NMNAT2: variants seen among roughly 807,000 people sequenced by gnomAD.
NMNAT2 encodes nicotinamide/nicotinic acid mononucleotide adenylyltransferase 2.
In NMNAT2, 11 loss-of-function variants were observed where a neutral mutation model predicts 41.6. The ratio of observed to expected loss-of-function variants is 0.26; its 90% CI spans 0.17 to 0.44. The LOEUF (loss-of-function observed/expected upper bound fraction) is 0.44, where lower values mean the gene tolerates loss of function less well. NMNAT2 is among the 20% of genes least tolerant of loss of function. The pLI is 1.00. For missense variants in NMNAT2, 288 were observed against 407.7 expected (o/e 0.71, Z 2.53); for synonymous variants, 148 against 151.2 (o/e 0.98, Z 0.16).
intron 1 of NMNAT2, among the ~76,000 whole-genome samples, chr1:183,317,280 T>G (rs1662274158): frequency 6.6e-6 from 1 of 152,152 alleles, no homozygotes; most frequent in South Asian, 2.1e-4. Context: ...GACTGATGGA[T>G]TTTTTCTTTT....
At chr1:183,292,742 C>G (rs756294495) in intron 3 of NMNAT2, 48 bp downstream of exon 3, 9 of 1,551,516 alleles carry the variant, frequency 5.8e-6, no homozygotes, top group Non-Finnish European at 8.0e-6. Context: ...ACCCCACTCC[C>G]AGTAAGTCTC....
intron 8 of NMNAT2, among the ~76,000 whole-genome samples, chr1:183,262,304 C>T (rs1292876456): frequency 5.0e-5 from 1 of 20,140 alleles, no homozygotes; most frequent in Admixed American, 8.8e-4. Context: ...CTTAGAGAAT[C>T]CAGAAAAAAA....
At chr1:183,253,017 T>C (rs1267725038) in intron 10 of NMNAT2, among the ~76,000 whole-genome samples, 1 of 152,154 alleles carries the variant, frequency 6.6e-6, no homozygotes, top group Non-Finnish European at 1.5e-5. Flanking sequence ...ATGAGGGTAA[T>C]ATCTGGGCCC....
intron 1 of NMNAT2, among the ~76,000 whole-genome samples, chr1:183,382,951 C>T (rs1215522215): frequency 6.6e-6 from 1 of 152,202 alleles, no homozygotes. Context: ...TGTGTGGGGG[C>T]TCCAATCCCA....
At chr1:183,315,465 T>C (rs1484194253) in intron 1 of NMNAT2, among the ~76,000 whole-genome samples, 1 of 117,450 alleles carries the variant, frequency 8.5e-6, no homozygotes, top group African/African-American at 3.3e-5. Context: ...TGTGTGCGCT[T>C]GTGTGTGTGT....
At chr1:183,255,651 TATTCC>T (rs1382177882) in intron 10 of NMNAT2, among the ~76,000 whole-genome samples, 2 of 137,422 alleles carry the variant, frequency 1.5e-5, no homozygotes, top group African/African-American at 6.5e-5. Context: ...TTGTTAAATT[TATTCC>T]TAAGGGTTTT....
intron 3 of NMNAT2, 141 bp from the exon 4 acceptor site, chr1:183,290,347 G>A: frequency 1.6e-6 from 1 of 610,978 alleles, no homozygotes; most frequent in Non-Finnish European, 2.9e-6. Context: ...ATAAAACCTG[G>A]GTGTGAAACA....
chr1:183,312,993 CTG>C lies in NMNAT2; in HGVS notation c.86-19202_86-19201del. 3.3e-5 allele frequency among the ~76,000 whole-genome samples: 5 copies of C among 152,294 alleles called. No homozygotes were observed. The Middle Eastern group carries it at 0.017, about 518-fold the overall frequency. On this transcript the variant is annotated intron_variant, in intron 1 of 10. Transcript: ENST00000287713. Reference sequence around the variant, plus strand: ...TTATTATTCTCAAGTATTTCCCCAACTGTGTCTTTTCCAATGAAGCCCAATTC... The same window carrying C: ...TTATTATTCTCAAGTATTTCCCCAACTGTCTTTTCCAATGAAGCCCAATTC...
chr1:183,295,840 G>C (rs915804825), intron 1 of NMNAT2, among the ~76,000 whole-genome samples: 1 of 152,004 alleles, frequency 6.6e-6, no homozygotes, highest in Non-Finnish European at 1.5e-5. Flanking sequence ...TTCATGGCTC[G>C]ATAGCTCATT....
intron 6 of NMNAT2, 73 bp downstream of exon 6, chr1:183,284,636 TC>T (rs1167182810): frequency 3.9e-6 from 5 of 1,272,254 alleles, no homozygotes; most frequent in Non-Finnish European, 5.8e-6. Context: ...TGCTTGAGGA[TC>T]TTTGCTGAAG....
At chr1:183,385,269 A>G (rs1648185148) in intron 1 of NMNAT2, among the ~76,000 whole-genome samples, 1 of 152,124 alleles carries the variant, frequency 6.6e-6, no homozygotes, top group Non-Finnish European at 1.5e-5. Flanking sequence ...CCACAGGTAT[A>G]TACGTGTGCC....
chr1:183,410,752 CT>C (rs11462316), intron 1 of NMNAT2, among the ~76,000 whole-genome samples: 88 of 145,718 alleles, frequency 6.0e-4, no homozygotes, highest in African/African-American at 1.0e-3. Flanking sequence ...TTTTAATTTC[CT>C]TTTTTTTTTT....
chr1:183,257,231 A>G (rs1660539780), intron 10 of NMNAT2, among the ~76,000 whole-genome samples: 1 of 152,068 alleles, frequency 6.6e-6, no homozygotes, highest in East Asian at 1.9e-4. Context: ...TCACAAGCTC[A>G]GGAGTTCAAG....
intron 4 of NMNAT2, among the ~76,000 whole-genome samples, chr1:183,288,035 G>T (rs567770086): frequency 1.3e-5 from 2 of 152,216 alleles, no homozygotes; most frequent in Non-Finnish European, 2.9e-5. Context: ...TCTTCACCCA[G>T]CTGTGGCTGG....
intron 1 of NMNAT2, among the ~76,000 whole-genome samples, chr1:183,389,649 T>C (rs772435100): frequency 1.3e-5 from 2 of 150,488 alleles, no homozygotes; most frequent in Middle Eastern, 6.8e-3. Flanking sequence ...GGTGGGAGGA[T>C]TGCTTGAGCC....
At chr1:183,279,775 T>C (rs1433409963) in intron 7 of NMNAT2, among the ~76,000 whole-genome samples, 4 of 152,184 alleles carry the variant, frequency 2.6e-5, no homozygotes, top group Non-Finnish European at 5.9e-5. Context: ...CCTTCCCACG[T>C]AAGGGAGCCC....
intron 1 of NMNAT2, among the ~76,000 whole-genome samples, chr1:183,369,243 T>C (rs1388896427): frequency 7.2e-6 from 1 of 139,034 alleles, no homozygotes; most frequent in Non-Finnish European, 1.5e-5. Flanking sequence ...AAGGTATTCT[T>C]TTTTTTTTTC....
At chr1:183,355,488 G>C (rs2102355209) in intron 1 of NMNAT2, among the ~76,000 whole-genome samples, 1 of 152,320 alleles carries the variant, frequency 6.6e-6, no homozygotes, top group Non-Finnish European at 1.5e-5. Flanking sequence ...GCACATTAAG[G>C]TTTGAGAACA....
At chr1:183,292,275 T>C (rs899403552) in intron 3 of NMNAT2, among the ~76,000 whole-genome samples, 1 of 152,196 alleles carries the variant, frequency 6.6e-6, no homozygotes, top group Non-Finnish European at 1.5e-5. Context: ...AGAAAGGCAG[T>C]GAGCAGGAAA....
Sources: gnomAD v4.1 joint callset for allele counts (sites outside exome capture counted in the v4.1 genomes callset) on GRCh38, gnomAD v4.1.1 for gene constraint, MANE v1.5 for transcripts, NCBI Gene and HGNC (gene_info 2026-07-23, HGNC 2026-07-21) for gene names.